TYR: variants seen among roughly 807,000 people sequenced by gnomAD.
The protein encoded by TYR is tyrosinase, also known as LB24-AB.
TYR carries 58 observed loss-of-function variants against 51.5 expected under a neutral mutation model. The ratio of observed to expected loss-of-function variants is 1.13; its 90% CI spans 0.91 to 1.40. The LOEUF (loss-of-function observed/expected upper bound fraction) is 1.40, where lower values mean the gene tolerates loss of function less well. Ranked by LOEUF, TYR falls within the 40% of genes most tolerant of loss-of-function variation. The pLI is 0.00. For missense variants in TYR, 732 were observed against 647.4 expected (o/e 1.13, Z -1.42); for synonymous variants, 263 against 235.2 (o/e 1.12, Z -1.08).
Position 89,178,607 on chromosome 11 carries a change from G to A in TYR, c.654G>A (p.Trp218Ter). Residue 218 changes from tryptophan (W) to a stop codon, truncating the protein, a stop_gained, in exon 1 of 5, where the codon TGG becomes TGA. Coordinates refer to ENST00000263321, the MANE Select transcript of TYR (RefSeq NM_000372.5). LOFTEE classifies it high-confidence loss of function. Reference protein sequence around the residue: ...LPWHRLFLLRWEQEIQKLTGD... With the variant: ...LPWHRLFLLR ...GGCATAGACTCTTCTTGTTGCGGTG[G>A]GAACAAGAAATCCAGAAGCTGACAG... 6.2e-7 allele frequency: 1 copy of A among 1,612,516 alleles called. No homozygotes were observed. Among genetic ancestry groups the A allele is most frequent in the Non-Finnish European group, 8.5e-7 (1 of 1,179,112 alleles).
intron 2 of TYR, among the ~76,000 whole-genome samples, chr11:89,204,519 C>T (rs1028155446): frequency 8.6e-5 from 13 of 151,744 alleles, no homozygotes; most frequent in Non-Finnish European, 7.4e-5. Context: ...CTCAGTTTCC[C>T]GAGTAGCTCA....
intron 3 of TYR, among the ~76,000 whole-genome samples, chr11:89,230,462 T>C (rs1944032729): frequency 6.6e-6 from 1 of 152,114 alleles, no homozygotes; most frequent in African/African-American, 2.4e-5. Flanking sequence ...TCCAAGACTT[T>C]GGTCTGGGCA....
intron 4 of TYR, among the ~76,000 whole-genome samples, chr11:89,285,272 A>T (rs1827430): frequency 1.3e-5 from 2 of 151,362 alleles, no homozygotes; most frequent in Non-Finnish European, 3.0e-5. Context: ...TGGGAAATTC[A>T]CTCTACATCC....
intron 3 of TYR, among the ~76,000 whole-genome samples, chr11:89,277,741 C>G (rs539673542): frequency 1.3e-5 from 2 of 151,720 alleles, no homozygotes; most frequent in South Asian, 4.1e-4. Context: ...TCTGTGGTAC[C>G]TGGCCCCTCA....
chr11:89,293,632 T>C (rs1358541856), intron 4 of TYR: 1 of 152,572 alleles, frequency 6.6e-6, no homozygotes, highest in African/African-American at 2.4e-5. Context: ...CTCCCAATAC[T>C]ACTTTTAAAA....
intron 2 of TYR, among the ~76,000 whole-genome samples, chr11:89,207,029 G>A (rs1943680894): frequency 6.6e-6 from 1 of 151,984 alleles, no homozygotes; most frequent in Non-Finnish European, 1.5e-5. Context: ...AAGAGGTAAA[G>A]TCTCAAGTCA....
chr11:89,239,118 C>T (rs532035206), intron 3 of TYR, among the ~76,000 whole-genome samples: 5 of 152,094 alleles, frequency 3.3e-5, no homozygotes, highest in East Asian at 1.9e-4. Context: ...AAAGTATTCT[C>T]GCCACTTAAA....
At chr11:89,220,268 C>T (rs1591163650) in intron 2 of TYR, among the ~76,000 whole-genome samples, 2 of 152,282 alleles carry the variant, frequency 1.3e-5, no homozygotes, top group Non-Finnish European at 2.9e-5. Flanking sequence ...AGAGCACGCA[C>T]ATTATATCGC....
At chr11:89,194,197 G>A (rs1390298210) in intron 2 of TYR, among the ~76,000 whole-genome samples, 5 of 151,988 alleles carry the variant, frequency 3.3e-5, no homozygotes, top group African/African-American at 1.2e-4. Context: ...GTGTCTTTAT[G>A]TGCTTGACAG....
chr11:89,242,634 C>T (rs1391315623), intron 3 of TYR, among the ~76,000 whole-genome samples: 2 of 152,152 alleles, frequency 1.3e-5, no homozygotes, highest in Non-Finnish European at 2.9e-5. Context: ...GAAATTTTTC[C>T]ATGTAGAACA....
intron 2 of TYR, among the ~76,000 whole-genome samples, chr11:89,193,530 C>T (rs1943475504): frequency 6.6e-6 from 1 of 152,062 alleles, no homozygotes; most frequent in Non-Finnish European, 1.5e-5. Flanking sequence ...GAGAAGCAAA[C>T]AGATGCAACA....
intron 3 of TYR, among the ~76,000 whole-genome samples, chr11:89,280,399 A>C (rs1212243147): frequency 6.6e-6 from 1 of 151,544 alleles, no homozygotes; most frequent in Non-Finnish European, 1.5e-5. Flanking sequence ...CCTCAAGCTC[A>C]CTGATTCTTT....
chr11:89,194,092 T>A (rs12420662), intron 2 of TYR, among the ~76,000 whole-genome samples: 5,192 of 152,236 alleles, frequency 0.034, 140 homozygotes, highest in African/African-American at 0.072. Context: ...ATCCTCAGTA[T>A]TTTTCCTCTC....
intron 2 of TYR, among the ~76,000 whole-genome samples, chr11:89,201,093 A>C (rs1425360675): frequency 6.6e-6 from 1 of 152,194 alleles, no homozygotes; most frequent in African/African-American, 2.4e-5. Flanking sequence ...TCAAAATCAC[A>C]TTATTAATAT....
intron 1 of TYR, among the ~76,000 whole-genome samples, chr11:89,188,544 G>A (rs1347562872): frequency 6.6e-6 from 1 of 152,016 alleles, no homozygotes; most frequent in Non-Finnish European, 1.5e-5. Flanking sequence ...GCCAATTGTT[G>A]TGGTGTAAAT....
intron 1 of TYR, among the ~76,000 whole-genome samples, chr11:89,186,205 G>A (rs894343577): frequency 2.0e-5 from 3 of 152,130 alleles, no homozygotes; most frequent in South Asian, 2.1e-4. Flanking sequence ...TGCCTGACTC[G>A]AGATATTTTT....
intron 2 of TYR, among the ~76,000 whole-genome samples, chr11:89,194,240 C>A (rs12419262): frequency 0.22 from 32,986 of 151,984 alleles, 5,600 homozygotes; most frequent in African/African-American, 0.48. Flanking sequence ...TCTTCCTCCT[C>A]ATTTTTTTAA....
intron 3 of TYR, among the ~76,000 whole-genome samples, chr11:89,239,057 C>T (rs979557404): frequency 6.6e-6 from 1 of 152,084 alleles, no homozygotes; most frequent in African/African-American, 2.4e-5. Flanking sequence ...GTCATACTCT[C>T]CTAGTCTGGC....
At chr11:89,194,273 G>A (rs949209804) in intron 2 of TYR, among the ~76,000 whole-genome samples, 1 of 151,952 alleles carries the variant, frequency 6.6e-6, no homozygotes, top group Non-Finnish European at 1.5e-5. Context: ...CATTTTGAGT[G>A]TATCTAATAT....
Sources: allele counts gnomAD v4.1 joint callset (sites outside exome capture counted in the v4.1 genomes callset), GRCh38; gene constraint gnomAD v4.1.1; transcripts MANE v1.5; gene names NCBI Gene and HGNC (gene_info 2026-07-23, HGNC 2026-07-21).